Variants in NRXN3 observed in about 807,000 individuals in gnomAD.
NRXN3 encodes neurexin III.
A neutral mutation model predicts 137.6 loss-of-function variants in NRXN3; 32 were observed. The ratio of observed to expected loss-of-function variants is 0.23; its 90% CI spans 0.18 to 0.31. The LOEUF (loss-of-function observed/expected upper bound fraction) is 0.31. Ranked by LOEUF, NRXN3 falls within the 10% of genes least tolerant of loss-of-function variation. The pLI is 1.00. For missense variants in NRXN3, 1,574 were observed against 2,062.5 expected (o/e 0.76, Z 4.59); for synonymous variants, 798 against 784.5 (o/e 1.02, Z -0.29).
intron 15 of NRXN3, among the ~76,000 whole-genome samples, chr14:78,997,143 A>G (rs935185174): frequency 6.6e-6 from 1 of 152,170 alleles, no homozygotes; most frequent in African/African-American, 2.4e-5. Flanking sequence ...CTCCCTGAAA[A>G]TAAGCTGGGA....
chr14:79,603,991 G>A (rs1301403375), intron 16 of NRXN3, among the ~76,000 whole-genome samples: 3 of 151,976 alleles, frequency 2.0e-5, no homozygotes, highest in East Asian at 3.9e-4. Context: ...AGGTTCAAGC[G>A]ATTCTCCTGC....
At position 79,293,001 on chromosome 14, in the gene NRXN3, G is replaced by T. The variant is rs575161078; in HGVS notation, c.3263-174220G>T. On this transcript the variant is annotated intron_variant, in intron 15 of 20. Transcript: ENST00000335750. ...GAGAGGATAGCTTTTATGTGAAATA[G>T]GAAGGTAAACCTAGAGTCTTGGCCT... Among the ~76,000 whole-genome samples the T allele has an allele frequency of 9.9e-5, 15 of 152,234 alleles. 1 individual carries two copies. The highest frequency in any genetic ancestry group is 3.1e-4 in the African/African-American group (13 of 41,556).
chr14:78,875,466 C>T (rs184486303), intron 10 of NRXN3, among the ~76,000 whole-genome samples: 1 of 133,766 alleles, frequency 7.5e-6, no homozygotes, highest in South Asian at 2.3e-4. Context: ...CATACAGTGC[C>T]GTAATAAAAA....
intron 1 of NRXN3, among the ~76,000 whole-genome samples, chr14:78,219,060 G>A (rs1012114564): frequency 5.3e-5 from 8 of 152,114 alleles, no homozygotes; most frequent in Non-Finnish European, 1.2e-4. Context: ...TTGGATTAGG[G>A]CCCACCCTAA....
intron 20 of NRXN3, among the ~76,000 whole-genome samples, chr14:79,853,018 G>C (rs1410838823): frequency 1.3e-5 from 2 of 152,128 alleles, no homozygotes; most frequent in Non-Finnish European, 2.9e-5. Flanking sequence ...TTCAGCTGCA[G>C]AATCCTCACA....
chr14:79,086,024 G>T (rs2048025643), intron 15 of NRXN3, among the ~76,000 whole-genome samples: 2 of 152,140 alleles, frequency 1.3e-5, no homozygotes, highest in Non-Finnish European at 2.9e-5. Flanking sequence ...AGGAACAGGT[G>T]CAAAAGCTGC....
At chr14:78,649,060 G>C (rs1390493307) in intron 5 of NRXN3, among the ~76,000 whole-genome samples, 1 of 152,098 alleles carries the variant, frequency 6.6e-6, no homozygotes, top group Non-Finnish European at 1.5e-5. Flanking sequence ...ATAGAGTCCT[G>C]GTCTCATTGT....
At chr14:78,702,318 TATAA>T (rs2098290752) in intron 6 of NRXN3, among the ~76,000 whole-genome samples, 2 of 150,684 alleles carry the variant, frequency 1.3e-5, no homozygotes, top group Non-Finnish European at 3.0e-5. Context: ...ATATATAACT[TATAA>T]ATAAATATAT....
chr14:79,086,227 AT>A (rs2048068349), intron 15 of NRXN3, among the ~76,000 whole-genome samples: 1 of 152,076 alleles, frequency 6.6e-6, no homozygotes, highest in Non-Finnish European at 1.5e-5. Flanking sequence ...CATCTCCTAT[AT>A]TGCACAGGAT....
At chr14:79,167,216 C>A (rs1345119564) in intron 15 of NRXN3, among the ~76,000 whole-genome samples, 1 of 151,964 alleles carries the variant, frequency 6.6e-6, no homozygotes, top group Non-Finnish European at 1.5e-5. Context: ...ATCAAACTTC[C>A]CACAATAGCC....
At chr14:79,269,288 A>G (rs1199806342) in intron 15 of NRXN3, among the ~76,000 whole-genome samples, 4 of 152,078 alleles carry the variant, frequency 2.6e-5, no homozygotes, top group Admixed American at 2.6e-4. Context: ...TGACCTTGTG[A>G]TCCACCCACC....
intron 15 of NRXN3, among the ~76,000 whole-genome samples, chr14:79,392,928 C>T (rs1285032155): frequency 7.4e-6 from 1 of 134,480 alleles, no homozygotes; most frequent in African/African-American, 2.8e-5. Flanking sequence ...CAAGATCCTG[C>T]CACTGCACTC....
intron 15 of NRXN3, among the ~76,000 whole-genome samples, chr14:79,239,811 C>T (rs993359139): frequency 5.9e-5 from 9 of 152,210 alleles, no homozygotes; most frequent in Admixed American, 3.9e-4. Flanking sequence ...TATACACAAT[C>T]GAATATTATT....
At chr14:79,420,942 C>T (rs2095567439) in intron 15 of NRXN3, among the ~76,000 whole-genome samples, 1 of 152,118 alleles carries the variant, frequency 6.6e-6, no homozygotes, top group Non-Finnish European at 1.5e-5. Flanking sequence ...CTGAGTGCCT[C>T]TTCTGGGCTG....
intron 16 of NRXN3, among the ~76,000 whole-genome samples, chr14:79,503,633 T>G (rs965141345): frequency 6.6e-6 from 1 of 152,210 alleles, no homozygotes; most frequent in African/African-American, 2.4e-5. Flanking sequence ...TCTGTTCCCC[T>G]ATGGTACTTT....
rs535074586 is a variant in NRXN3, at chr14:79,250,903, C to G, written c.3263-216318C>G. Among the ~76,000 whole-genome samples the G allele has an allele frequency of 1.1e-4, 17 of 151,976 alleles. 1 individual carries two copies. Among genetic ancestry groups the G allele is most frequent in the Non-Finnish European group, 1.6e-4 (11 of 67,998 alleles). On this transcript the variant is annotated intron_variant, in intron 15 of 20. Coordinates refer to ENST00000335750, the MANE Select transcript of NRXN3 (RefSeq NM_001330195.2). Reference sequence around the variant, plus strand: ...GAATCATTTTATTTATTTTTGACACCTTGGTACTTGACACAATGTCCATCA... The same window carrying G: ...GAATCATTTTATTTATTTTTGACACGTTGGTACTTGACACAATGTCCATCA...
At chr14:79,105,923 A>G (rs2052346615) in intron 15 of NRXN3, among the ~76,000 whole-genome samples, 1 of 152,074 alleles carries the variant, frequency 6.6e-6, no homozygotes, top group Non-Finnish European at 1.5e-5. Context: ...GATTATTATT[A>G]CTACTACTAC....
intron 16 of NRXN3, among the ~76,000 whole-genome samples, chr14:79,494,894 A>G (rs893080905): frequency 6.6e-6 from 1 of 152,170 alleles, no homozygotes; most frequent in Non-Finnish European, 1.5e-5. Context: ...ACCACATTTT[A>G]TGTAGCTGTC....
At position 78,297,832 on chromosome 14, in the gene NRXN3, C is replaced by T; in HGVS notation, c.729C>T (p.Gly243=). 6.5e-7 allele frequency: 1 copy of T among 1,535,598 alleles called. No individual in the cohort carries two copies. Among genetic ancestry groups the T allele is most frequent in the Non-Finnish European group, 8.7e-7 (1 of 1,146,166 alleles). The change falls in exon 4 of 21, where the codon GGC becomes GGT. Residue 243 remains glycine (G), a splice_region_variant and synonymous_variant. Coordinates refer to ENST00000335750, the MANE Select transcript of NRXN3 (RefSeq NM_001330195.2). ...LCSEDVSQDP[G]LSHLMMSEQA... is the part of the protein sequence containing the mutation. The stretch of plus-strand genomic sequence containing the variant: ...TTTCTCCCTGTTTCTCTTCCTCAGG[C>T]CTCTCCCACCTCATGATGAGTGAAC...
Sources: gnomAD v4.1 joint callset for allele counts (sites outside exome capture counted in the v4.1 genomes callset) on GRCh38, gnomAD v4.1.1 for gene constraint, MANE v1.5 for transcripts, NCBI Gene and HGNC (gene_info 2026-07-23, HGNC 2026-07-21) for gene names.